TMEM132D: variants seen among roughly 807,000 people sequenced by gnomAD.
TMEM132D encodes the protein mature OL transmembrane protein.
Under a neutral mutation model 62.3 loss-of-function variants are expected in TMEM132D, and 21 were observed. That is an observed-to-expected ratio of 0.34 (90% CI 0.24 to 0.49). The LOEUF is 0.49. TMEM132D is among the 20% of genes least tolerant of loss of function. The pLI is 0.99. For synonymous variants in TMEM132D, 621 were observed against 575.6 expected (o/e 1.08, Z -1.13); for missense variants, 1,346 against 1,402.8 (o/e 0.96, Z 0.65).
intron 3 of TMEM132D, among the ~76,000 whole-genome samples, chr12:129,509,313 C>T (rs1225063195): frequency 6.6e-6 from 1 of 152,046 alleles, no homozygotes; most frequent in Non-Finnish European, 1.5e-5. Flanking sequence ...TCACAATTTA[C>T]AAATAATAAG....
chr12:129,540,245 C>G (rs1876547656), intron 2 of TMEM132D, among the ~76,000 whole-genome samples: 1 of 152,070 alleles, frequency 6.6e-6, no homozygotes, highest in African/African-American at 2.4e-5. Context: ...CTAGCTAGTT[C>G]ATGGGAGATG....
At chr12:129,119,011 T>C (rs117018491) in intron 5 of TMEM132D, among the ~76,000 whole-genome samples, 8,441 of 152,272 alleles carry the variant, frequency 0.055, 300 homozygotes, top group Non-Finnish European at 0.082. Context: ...CGGAACAGCC[T>C]TCTCAAGAGA....
intron 4 of TMEM132D, among the ~76,000 whole-genome samples, chr12:129,247,435 G>A (rs1880152634): frequency 6.6e-6 from 1 of 152,152 alleles, no homozygotes; most frequent in African/African-American, 2.4e-5. Context: ...CGTGGGAAAT[G>A]GTATTGAAAT....
At chr12:129,445,141 C>A (rs1249631133) in intron 3 of TMEM132D, among the ~76,000 whole-genome samples, 1 of 152,038 alleles carries the variant, frequency 6.6e-6, no homozygotes, top group Non-Finnish European at 1.5e-5. Context: ...CATGAAAGAA[C>A]AATATCATGT....
intron 2 of TMEM132D, among the ~76,000 whole-genome samples, chr12:129,675,967 G>A (rs537508103): frequency 3.9e-5 from 6 of 152,258 alleles, no homozygotes; most frequent in East Asian, 3.9e-4. Flanking sequence ...AGAATCTTCC[G>A]GTGCCTTCAA....
At chr12:129,136,135 C>T (rs367904414) in intron 5 of TMEM132D, among the ~76,000 whole-genome samples, 3 of 152,168 alleles carry the variant, frequency 2.0e-5, no homozygotes, top group Non-Finnish European at 4.4e-5. Flanking sequence ...TCATACTTGG[C>T]ACCACTTTTT....
At chr12:129,189,552 C>T (rs2135555367) in intron 5 of TMEM132D, among the ~76,000 whole-genome samples, 1 of 152,186 alleles carries the variant, frequency 6.6e-6, no homozygotes, top group East Asian at 1.9e-4. Context: ...TGCCCATAGC[C>T]CACCGTGCAT....
intron 4 of TMEM132D, among the ~76,000 whole-genome samples, chr12:129,286,725 C>T (rs578134568): frequency 6.6e-6 from 1 of 152,072 alleles, no homozygotes; most frequent in Non-Finnish European, 1.5e-5. Context: ...GCATCTAGAC[C>T]TTAAAGTGTA....
At chr12:129,137,753 C>T (rs1485258561) in intron 5 of TMEM132D, among the ~76,000 whole-genome samples, 1 of 152,144 alleles carries the variant, frequency 6.6e-6, no homozygotes, top group Non-Finnish European at 1.5e-5. Context: ...TATCTTGCAA[C>T]CATGAGGCAA....
At chr12:129,531,509 A>G (rs1161063958) in intron 2 of TMEM132D, among the ~76,000 whole-genome samples, 1 of 151,792 alleles carries the variant, frequency 6.6e-6, no homozygotes, top group Non-Finnish European at 1.5e-5. Context: ...AGCCAAACAC[A>G]AACACAGAAC....
intron 3 of TMEM132D, among the ~76,000 whole-genome samples, chr12:129,460,994 T>C (rs1245761172): frequency 6.6e-6 from 1 of 152,204 alleles, no homozygotes; most frequent in Non-Finnish European, 1.5e-5. Context: ...ATGCTGATAC[T>C]GGCAGCCAGA....
chr12:129,383,364 C>A (rs963565813), intron 3 of TMEM132D, among the ~76,000 whole-genome samples: 4 of 152,188 alleles, frequency 2.6e-5, no homozygotes, highest in African/African-American at 9.7e-5. Context: ...AGGATTTAGA[C>A]ACACAATCAA....
intron 1 of TMEM132D, among the ~76,000 whole-genome samples, chr12:129,723,514 G>A (rs1233449078): frequency 1.3e-5 from 2 of 152,318 alleles, no homozygotes; most frequent in African/African-American, 4.8e-5. Flanking sequence ...CGGACAAAGA[G>A]GTCGGATATT....
intron 5 of TMEM132D, among the ~76,000 whole-genome samples, chr12:129,091,222 G>A (rs12820727): frequency 0.22 from 32,565 of 150,370 alleles, 3,746 homozygotes; most frequent in Non-Finnish European, 0.25. Context: ...CCTTACTTCC[G>A]TTCACTTGGG....
chr12:129,496,622 T>A (rs762241129), intron 3 of TMEM132D, among the ~76,000 whole-genome samples: 1 of 151,916 alleles, frequency 6.6e-6, no homozygotes, highest in Non-Finnish European at 1.5e-5. Context: ...GAGAAATATA[T>A]GTTTTAGCAG....
intron 5 of TMEM132D, among the ~76,000 whole-genome samples, chr12:129,192,805 T>G (rs1419637380): frequency 6.6e-6 from 1 of 152,154 alleles, no homozygotes; most frequent in Non-Finnish European, 1.5e-5. Flanking sequence ...GGGCGCCTCG[T>G]TTTAGCACCA....
At chr12:129,158,063 A>G (rs989705697) in intron 5 of TMEM132D, among the ~76,000 whole-genome samples, 1 of 152,166 alleles carries the variant, frequency 6.6e-6, no homozygotes, top group Non-Finnish European at 1.5e-5. Flanking sequence ...TATTTTAGAG[A>G]AAGATTACCA....
intron 3 of TMEM132D, among the ~76,000 whole-genome samples, chr12:129,529,776 T>A (rs898626852): frequency 2.0e-5 from 3 of 152,190 alleles, no homozygotes; most frequent in African/African-American, 4.8e-5. Context: ...TACCCATCCG[T>A]CCACCCCCGT....
intron 4 of TMEM132D, among the ~76,000 whole-genome samples, chr12:129,304,660 A>G (rs1202700562): frequency 7.7e-6 from 1 of 130,004 alleles, no homozygotes; most frequent in Non-Finnish European, 1.6e-5. Flanking sequence ...ACATACTTGG[A>G]TCTTTTTTTT....
Sources: gnomAD v4.1 joint callset for allele counts (sites outside exome capture counted in the v4.1 genomes callset) on GRCh38, gnomAD v4.1.1 for gene constraint, MANE v1.5 for transcripts, NCBI Gene and HGNC (gene_info 2026-07-23, HGNC 2026-07-21) for gene names.